Variants in LHPP observed in about 807,000 individuals in gnomAD.
LHPP encodes the protein hLHPP.
LHPP carries 24 observed loss-of-function variants against 30.3 expected under a neutral mutation model. The ratio of observed to expected loss-of-function variants is 0.79; its 90% CI spans 0.57 to 1.11. The LOEUF (loss-of-function observed/expected upper bound fraction) is 1.11, where lower values mean the gene tolerates loss of function less well. Among genes scored for constraint, LHPP ranks in the 50% most tolerant of loss-of-function variants. The pLI is 0.00. For synonymous variants in LHPP, 150 were observed against 157.1 expected (o/e 0.95, Z 0.34); for missense variants, 356 against 367.2 (o/e 0.97, Z 0.25).
chr10:124,497,989 T>G, intron 4 of LHPP, 47 bp from the exon 5 acceptor site: 1 of 1,472,754 alleles, frequency 6.8e-7, no homozygotes, highest in South Asian at 1.1e-5. Flanking sequence ...GGCATACACC[T>G]GTTCCTTGAT....
rs140421589 is a variant in LHPP at position 124,498,056 on chromosome 10, C to T, written c.552C>T (p.Ala184=). 283 of 1,614,084 alleles carry T rather than the reference C, an allele frequency of 1.8e-4. No individual in the cohort carries two copies. The African/African-American group carries it at 3.1e-3, about 17-fold the overall frequency. Residue 184 remains alanine, a synonymous_variant, in exon 5 of 7, where the codon GCC becomes GCT. Transcript: ENST00000368842. Reference sequence around the variant, plus strand: ...CCCAGTATGCCTGTGGCATCAAAGCCGAGGTGGTGGGGAAGCCTTCTCCTG... The same window carrying T: ...CCCAGTATGCCTGTGGCATCAAAGCTGAGGTGGTGGGGAAGCCTTCTCCTG... ...KALEYACGIK[A]EVVGKPSPEF...
chr10:124,587,756 A>C (rs543049636), intron 6 of LHPP, among the ~76,000 whole-genome samples: 24 of 150,896 alleles, frequency 1.6e-4, no homozygotes, highest in Admixed American at 1.2e-3. Context: ...AAAAAAAAAA[A>C]AAAAAAAAAC....
intron 1 of LHPP, among the ~76,000 whole-genome samples, chr10:124,483,696 G>A (rs1042904092): frequency 6.6e-6 from 1 of 152,158 alleles, no homozygotes; most frequent in Non-Finnish European, 1.5e-5. Context: ...GGCGGAGGTT[G>A]CAGTGAGCTG....
At position 124,496,482 on chromosome 10, in the gene LHPP, G is replaced by A. The variant is rs1377962429; in HGVS notation, c.468-479G>A. 2.0e-5 allele frequency among the ~76,000 whole-genome samples: 3 copies of A among 152,196 alleles called. No homozygotes were observed. Among genetic ancestry groups the A allele is most frequent in the Admixed American group, 6.5e-5 (1 of 15,274 alleles). ...GCACCTCGCTTGACCTCCGGCTAAC[G>A]GGATGCGGCAGGGTGCTGTGGAACT... is the stretch of plus-strand genomic sequence containing the variant. On this transcript the variant is annotated intron_variant, in intron 3 of 6. Coordinates refer to ENST00000368842, the MANE Select transcript of LHPP (RefSeq NM_022126.4). This position sits in a 1 kb window ranked among gnomAD's most constrained non-coding sequence, Gnocchi z 4.3.
intron 6 of LHPP, among the ~76,000 whole-genome samples, chr10:124,556,387 C>G (rs1479842667): frequency 1.3e-5 from 2 of 152,236 alleles, no homozygotes. Context: ...GCACCCTGCT[C>G]CCGCGTGTGG....
rs542951526 is a variant in LHPP, at chr10:124,527,072, C to T, written c.716+9801C>T. On this transcript the variant is annotated intron_variant, in intron 6 of 6. Coordinates refer to ENST00000368842, the MANE Select transcript of LHPP (RefSeq NM_022126.4). Reference sequence around the variant, plus strand: ...CCAGAGCCTGCCCGCCACAGAGCCCCTCTGAGACCTGGAGTCTCACCTGAG... The same window carrying T: ...CCAGAGCCTGCCCGCCACAGAGCCCTTCTGAGACCTGGAGTCTCACCTGAG... Among the ~76,000 whole-genome samples, 53 of 152,316 alleles carry T rather than the reference C, an allele frequency of 3.5e-4. 2 individuals are homozygous for T. In the South Asian group the frequency reaches 0.011, roughly 32 times the overall value.
chr10:124,491,741 A>G (rs546584194), intron 3 of LHPP, among the ~76,000 whole-genome samples: 23 of 152,010 alleles, frequency 1.5e-4, no homozygotes, highest in Non-Finnish European at 3.2e-4. Context: ...GCTGGCCAAC[A>G]TGGTGAAACC....
At chr10:124,511,792 A>G (rs970130761) in intron 5 of LHPP, among the ~76,000 whole-genome samples, 4 of 152,178 alleles carry the variant, frequency 2.6e-5, no homozygotes, top group Admixed American at 6.5e-5. Flanking sequence ...GACGGTTCCC[A>G]GGACAGTTGC....
At chr10:124,573,202 TTTCATCCACTC>T (rs1418410600) in intron 6 of LHPP, among the ~76,000 whole-genome samples, 1 of 152,260 alleles carries the variant, frequency 6.6e-6, no homozygotes, top group Non-Finnish European at 1.5e-5. Context: ...GTTAGGATGT[TTTCATCCACTC>T]TTCATCCAGT....
In LHPP at chr10:124,461,855, C is replaced by G; in HGVS notation, c.-8C>G. ...GGGACGCGGAGCTGAGGAGCAGGGC[C>G]GGGCGCCATGGCACCGTGGGGCAAG... is the stretch of plus-strand genomic sequence containing the variant. On this transcript the variant is annotated 5_prime_UTR_variant, in exon 1 of 7. Transcript: ENST00000368842. 2 of 1,244,072 alleles carry G rather than the reference C, an allele frequency of 1.6e-6. No individual in the cohort carries two copies. The highest frequency in any genetic ancestry group is 1.0e-6 in the Non-Finnish European group (1 of 990,658). The allele number at this position is 1,244,072 out of a possible 1,614,324, so 77.1% of individuals were successfully genotyped here.
intron 6 of LHPP, among the ~76,000 whole-genome samples, chr10:124,610,431 G>A: frequency 7.2e-6 from 1 of 139,616 alleles, no homozygotes; most frequent in Non-Finnish European, 1.5e-5. Flanking sequence ...GAGGGTGAGG[G>A]TGCTGATGCA....
intron 6 of LHPP, among the ~76,000 whole-genome samples, chr10:124,610,242 G>C (rs1259118173): frequency 6.6e-6 from 1 of 152,200 alleles, no homozygotes; most frequent in Non-Finnish European, 1.5e-5. Flanking sequence ...ACACACACAA[G>C]ACAAGAGGCC....
Position 124,593,527 on chromosome 10 carries a change from G to T in LHPP, c.717-19737G>T, listed in dbSNP as rs1306762499. Among the ~76,000 whole-genome samples, 1 of 152,234 alleles carries T rather than the reference G, an allele frequency of 6.6e-6. No homozygotes were observed. Among genetic ancestry groups the T allele is most frequent in the Non-Finnish European group, 1.5e-5 (1 of 68,040 alleles). On this transcript the variant is annotated intron_variant, in intron 6 of 6. Transcript: ENST00000368842. This position sits in a 1 kb window ranked among gnomAD's most constrained non-coding sequence, Gnocchi z 4.9. ...GGGGTCCTTGTTCTAGCCCCCGTGT[G>T]TTGGCTGCATGACCCGAACTTTACT...
chr10:124,581,808 A>G (rs914004488), intron 6 of LHPP, among the ~76,000 whole-genome samples: 22 of 125,414 alleles, frequency 1.8e-4, no homozygotes, highest in Non-Finnish European at 9.2e-5. Flanking sequence ...TTTTAAACAG[A>G]TTCTGCTTTG....
At chr10:124,462,128 G>A (rs1952419921) in intron 1 of LHPP, 141 bp downstream of exon 1, 3 of 789,724 alleles carry the variant, frequency 3.8e-6, no homozygotes, top group African/African-American at 1.8e-5. Context: ...ACCCCGGTGC[G>A]CGCACAGTGC....
chr10:124,515,142 C>T (rs1217155662), intron 5 of LHPP, among the ~76,000 whole-genome samples: 1 of 152,166 alleles, frequency 6.6e-6, no homozygotes, highest in Non-Finnish European at 1.5e-5. Context: ...GTACATCAGG[C>T]CGCTTGAAGT....
intron 3 of LHPP, chr10:124,489,757 T>G (rs950593379): frequency 7.2e-6 from 1 of 138,100 alleles, no homozygotes; most frequent in Non-Finnish European, 1.5e-5. Context: ...CAACCTCTTG[T>G]AATTTTTTTC....
rs369859917 is a variant in LHPP, at chr10:124,558,591, T to A, written c.716+41320T>A. 4.3e-4 allele frequency among the ~76,000 whole-genome samples: 66 copies of A among 152,348 alleles called. 1 individual carries two copies. The South Asian group carries it at 0.013, about 29-fold the overall frequency. On this transcript the variant is annotated intron_variant, in intron 6 of 6. Transcript: ENST00000368842. ...CCTAGGCAGAAGCCCTGAGTGGGCA[T>A]CCTGGTCAGCCCTGTGGGGGTTGGG...
intron 6 of LHPP, among the ~76,000 whole-genome samples, chr10:124,536,154 C>T (rs189880520): frequency 2.6e-5 from 4 of 152,346 alleles, no homozygotes; most frequent in Non-Finnish European, 5.9e-5. Context: ...CCACCCCTGC[C>T]GCGTGTGCGT....
Sources: gnomAD v4.1 joint callset for allele counts (sites outside exome capture counted in the v4.1 genomes callset) on GRCh38, gnomAD v4.1.1 for gene constraint, Gnocchi (gnomAD v3.1) non-coding constraint, MANE v1.5 for transcripts, NCBI Gene and HGNC (gene_info 2026-07-23, HGNC 2026-07-21) for gene names.